FAM227B: variants seen among roughly 807,000 people sequenced by gnomAD.
FAM227B encodes the protein protein FAM227B.
FAM227B carries 88 observed loss-of-function variants against 73.8 expected under a neutral mutation model. The ratio of observed to expected loss-of-function variants is 1.19; its 90% confidence interval spans 1.00 to 1.42. FAM227B has a LOEUF of 1.42. Ranked by LOEUF, FAM227B falls within the 40% of genes most tolerant of loss-of-function variation. FAM227B has a pLI of 0.00. For missense variants in FAM227B, 632 were observed against 590.9 expected (o/e 1.07, Z -0.72); for synonymous variants, 210 against 190.5 (o/e 1.10, Z -0.84).
intron 9 of FAM227B, among the ~76,000 whole-genome samples, chr15:49,544,048 T>C (rs1035595248): frequency 7.2e-5 from 11 of 152,188 alleles, no homozygotes; most frequent in Middle Eastern, 3.2e-3. Flanking sequence ...GTTACTTTTA[T>C]GGGAATTGCA....
At chr15:49,477,870 A>C (rs2055498819) in intron 11 of FAM227B, among the ~76,000 whole-genome samples, 1 of 152,166 alleles carries the variant, frequency 6.6e-6, no homozygotes, top group Non-Finnish European at 1.5e-5. Context: ...TAGTCACGCT[A>C]ATAGTTGTAC....
At chr15:49,399,968 C>T (rs1596902914) in intron 11 of FAM227B, among the ~76,000 whole-genome samples, 2 of 108,766 alleles carry the variant, frequency 1.8e-5, no homozygotes, top group Non-Finnish European at 3.9e-5. Context: ...CTCACCACTC[C>T]TATTCAACAT....
intron 13 of FAM227B, chr15:49,366,564 A>G: frequency 6.3e-7 from 1 of 1,595,108 alleles, no homozygotes; most frequent in African/African-American, 1.3e-5. Flanking sequence ...AGCATGCAGT[A>G]GTCCTTGGAT....
At chr15:49,577,768 A>G in intron 5 of FAM227B, 104 bp from the exon 6 acceptor site, 1 of 619,312 alleles carries the variant, frequency 1.6e-6, no homozygotes, top group East Asian at 2.9e-5. Flanking sequence ...CTATAGATAT[A>G]TGTATATATA....
intron 11 of FAM227B, among the ~76,000 whole-genome samples, chr15:49,481,061 A>G (rs1225445450): frequency 2.0e-5 from 3 of 152,208 alleles, no homozygotes; most frequent in African/African-American, 7.2e-5. Flanking sequence ...CTTTTTATCT[A>G]AAAGAAAATA....
At chr15:49,473,620 A>G (rs147362421) in intron 11 of FAM227B, among the ~76,000 whole-genome samples, 1,628 of 152,258 alleles carry the variant, frequency 0.011, 33 homozygotes, top group African/African-American at 0.034. Context: ...TCTCTACCCC[A>G]GCAATATTTT....
intron 5 of FAM227B, among the ~76,000 whole-genome samples, chr15:49,577,932 TAC>T (rs1183715827): frequency 6.6e-6 from 1 of 152,222 alleles, no homozygotes; most frequent in Non-Finnish European, 1.5e-5. Flanking sequence ...AACTACTTAT[TAC>T]AGTTTGGTTC....
intron 9 of FAM227B, among the ~76,000 whole-genome samples, chr15:49,549,944 G>A (rs1426183207): frequency 1.4e-5 from 2 of 140,856 alleles, no homozygotes; most frequent in African/African-American, 5.0e-5. Flanking sequence ...CGGATGGGGC[G>A]GCTGGCCGGG....
intron 3 of FAM227B, among the ~76,000 whole-genome samples, chr15:49,605,791 T>G (rs563161182): frequency 3.9e-4 from 59 of 152,176 alleles, no homozygotes; most frequent in African/African-American, 1.4e-3. Flanking sequence ...CCTCATGTGG[T>G]AGCCTAAAAT....
intron 13 of FAM227B, chr15:49,366,536 G>GT: frequency 1.9e-6 from 3 of 1,539,348 alleles, no homozygotes; most frequent in Non-Finnish European, 2.7e-6. Flanking sequence ...TGGAAGAGCT[G>GT]ACCAATGGGG....
intron 14 of FAM227B, 180 bp from the exon 15 acceptor site, chr15:49,332,029 A>G (rs2038861995): frequency 8.7e-6 from 5 of 576,054 alleles, no homozygotes; most frequent in Middle Eastern, 4.8e-4. Flanking sequence ...TATTTTATAA[A>G]TGAGGAAACA....
chr15:49,382,584 G>C (rs996832520), intron 11 of FAM227B, among the ~76,000 whole-genome samples: 3 of 152,030 alleles, frequency 2.0e-5, no homozygotes, highest in African/African-American at 7.2e-5. Context: ...TAAGTGTAAT[G>C]AAAGGACAGA....
chr15:49,403,345 A>G (rs2048303207), intron 11 of FAM227B, among the ~76,000 whole-genome samples: 1 of 152,194 alleles, frequency 6.6e-6, no homozygotes, highest in Admixed American at 6.5e-5. Context: ...GAAATGGTCC[A>G]GCTTTTCTTT....
chr15:49,341,348 T>C (rs564246671), intron 13 of FAM227B, among the ~76,000 whole-genome samples: 22 of 152,324 alleles, frequency 1.4e-4, no homozygotes, highest in Middle Eastern at 3.4e-3. Flanking sequence ...TTGGGTAGTA[T>C]GGCAAGTTTA....
chr15:49,395,025 ATTG>A (rs1393847745), intron 11 of FAM227B, among the ~76,000 whole-genome samples: 4 of 152,226 alleles, frequency 2.6e-5, no homozygotes, highest in Admixed American at 1.3e-4. Context: ...AAAATATTAT[ATTG>A]TTGTTACGGA....
intron 11 of FAM227B, among the ~76,000 whole-genome samples, chr15:49,453,260 T>C (rs2052943878): frequency 6.6e-6 from 1 of 152,072 alleles, no homozygotes; most frequent in Non-Finnish European, 1.5e-5. Flanking sequence ...AATATATACA[T>C]ATTTTCATTA....
At position 49,508,190 on chromosome 15, in the gene FAM227B, G is replaced by C. The variant is rs374250058; in HGVS notation, c.1012+21C>G. Reference sequence around the variant, plus strand: ...TTTTTGCTACCTATTCCATTTGGCAGTATACAGAAACTTTACTTACTAGTT... The same window carrying C: ...TTTTTGCTACCTATTCCATTTGGCACTATACAGAAACTTTACTTACTAGTT... On this transcript the variant is annotated intron_variant, in intron 11 of 15. Coordinates refer to ENST00000299338, the MANE Select transcript of FAM227B (RefSeq NM_152647.3). The C allele has an allele frequency of 6.9e-6, 11 of 1,596,108 alleles. No individual in the cohort carries two copies. In the African/African-American group the frequency reaches 1.5e-4, roughly 22 times the overall value.
At chr15:49,579,985 T>C (rs1243939068) in intron 5 of FAM227B, among the ~76,000 whole-genome samples, 1 of 152,168 alleles carries the variant, frequency 6.6e-6, no homozygotes, top group Non-Finnish European at 1.5e-5. Context: ...GGCTTTATTC[T>C]GCAGGAGGAA....
intron 5 of FAM227B, among the ~76,000 whole-genome samples, chr15:49,578,572 T>C (rs1055206213): frequency 1.3e-5 from 2 of 152,032 alleles, no homozygotes; most frequent in African/African-American, 4.8e-5. Flanking sequence ...ATACCACACA[T>C]ACACACATAT....
Sources: gnomAD v4.1 joint callset for allele counts (sites outside exome capture counted in the v4.1 genomes callset) on GRCh38, gnomAD v4.1.1 for gene constraint, MANE v1.5 for transcripts, NCBI Gene and HGNC (gene_info 2026-07-23, HGNC 2026-07-21) for gene names.